The following AEBP2 variants were observed in gnomAD, a reference collection of about 807,000 sequenced individuals.
AEBP2 encodes zinc finger protein AEBP2.
In AEBP2, 10 loss-of-function variants were observed where a neutral mutation model predicts 50.8. That is an observed-to-expected ratio of 0.20 (90% CI 0.12 to 0.33). The LOEUF (loss-of-function observed/expected upper bound fraction) is 0.33. AEBP2 is among the 10% of genes least tolerant of loss of function. The pLI, the probability that AEBP2 is intolerant of heterozygous loss-of-function variation, is 1.00. For synonymous variants in AEBP2, 296 were observed against 261.3 expected, an observed-to-expected ratio of 1.13 and a Z score of -1.28; for missense variants, 570 against 688.0, an observed-to-expected ratio of 0.83 and a Z score of 1.92.
Position 19,520,598 on chromosome 12 carries a change from A to G in AEBP2, c.*2481A>G, listed in dbSNP as rs559603653. 1.3e-5 allele frequency: 2 copies of G among 152,296 alleles called. No individual in the cohort carries two copies. Among genetic ancestry groups the G allele is most frequent in the African/African-American group, 4.8e-5 (2 of 41,570 alleles). 9.4% of individuals were successfully genotyped at this position (152,296 alleles called of 1,614,324 possible). On this transcript the variant is annotated 3_prime_UTR_variant, in exon 8 of 8. Transcript: ENST00000266508. ...TCTGCCCATCTGTATTGTTGCTCCT[A>G]CCTTCAAATATGACACCTGAAATAA...
At chr12:19,478,003 T>G (rs925937193) in intron 3 of AEBP2, among the ~76,000 whole-genome samples, 2 of 152,236 alleles carry the variant, frequency 1.3e-5, no homozygotes, top group African/African-American at 4.8e-5. Flanking sequence ...TGAATGATCT[T>G]TTGTATTTCT....
intron 3 of AEBP2, among the ~76,000 whole-genome samples, chr12:19,474,993 A>G (rs1185308393): frequency 1.3e-5 from 2 of 152,132 alleles, no homozygotes; most frequent in African/African-American, 2.4e-5. Context: ...GGGTTTCACC[A>G]TGTTGGCCAG....
intron 2 of AEBP2, among the ~76,000 whole-genome samples, chr12:19,467,144 G>A (rs550991245): frequency 2.0e-5 from 3 of 152,194 alleles, no homozygotes; most frequent in Admixed American, 6.5e-5. Context: ...TGTTGCCCAT[G>A]CTGGTCTTGC....
intron 1 of AEBP2, among the ~76,000 whole-genome samples, chr12:19,430,389 T>C (rs1309704703): frequency 1.3e-5 from 2 of 152,318 alleles, no homozygotes; most frequent in East Asian, 3.9e-4. Context: ...TCTTGTAGTA[T>C]AGTTTGAAGT....
rs1565720270 is a variant in AEBP2, at chr12:19,473,375, A to AT, written c.987+20_987+21insT. On this transcript the variant is annotated intron_variant, in intron 3 of 7. Coordinates refer to ENST00000266508, the MANE Select transcript of AEBP2 (RefSeq NM_153207.5). Reference sequence around the variant, plus strand: ...TTCAAGGTAAGGATGCATGTATATAAAATTTATTTATTTATTTATTTATTT... The same window carrying AT: ...TTCAAGGTAAGGATGCATGTATATAATAATTTATTTATTTATTTATTTATTT... The AT allele has an allele frequency of 3.8e-6, 1 of 260,676 alleles. No homozygotes were observed. Among genetic ancestry groups the AT allele is most frequent in the African/African-American group, 5.6e-5 (1 of 18,006 alleles). The allele number at this position is 260,676 out of a possible 1,614,324, so 16.1% of individuals were successfully genotyped here. A position where few individuals can be genotyped will look rare whatever the true frequency, so the allele number is the denominator to read the frequency against.
intron 1 of AEBP2, among the ~76,000 whole-genome samples, chr12:19,430,749 G>A (rs909622786): frequency 6.6e-6 from 1 of 152,102 alleles, no homozygotes; most frequent in African/African-American, 2.4e-5. Context: ...ATTGTGAATG[G>A]GAGTTCACTC....
rs182400513 is a variant in AEBP2, at chr12:19,491,039, A to C, written c.988-2761A>C. Among the ~76,000 whole-genome samples the C allele has an allele frequency of 8.9e-4, 136 of 152,328 alleles. 1 individual carries two copies. The highest frequency in any genetic ancestry group is 3.0e-3 in the African/African-American group (126 of 41,574). ...GTTAAAAATTCATTTACTCAGTTAC[A>C]ATAACCATATTTAAAGTGTTGAGTA... On this transcript the variant is annotated intron_variant, in intron 3 of 7. Transcript: ENST00000266508.
intron 4 of AEBP2, among the ~76,000 whole-genome samples, chr12:19,497,221 T>A (rs1212083376): frequency 6.6e-6 from 1 of 151,428 alleles, no homozygotes. Context: ...GATATTTTTC[T>A]GCATAACCAC....
At chr12:19,458,282 G>A (rs1268984080) in intron 1 of AEBP2, among the ~76,000 whole-genome samples, 1 of 152,198 alleles carries the variant, frequency 6.6e-6, no homozygotes, top group Non-Finnish European at 1.5e-5. Flanking sequence ...TGGGTCTGGG[G>A]CCAAAAGGGA....
Position 19,507,151 on chromosome 12 carries a change from A to C in AEBP2, c.1300-5247A>C, listed in dbSNP as rs565372316. On this transcript the variant is annotated intron_variant, in intron 5 of 7. Transcript: ENST00000266508. ...ACTGGATGAGATTACCTAGGAAATA[A>C]GTGTAAATAAAGAGAAAGTTAGCAT... 1.7e-3 allele frequency among the ~76,000 whole-genome samples: 263 copies of C among 152,334 alleles called. 1 individual carries two copies. The highest frequency in any genetic ancestry group is 3.2e-3 in the Non-Finnish European group (215 of 68,030).
intron 6 of AEBP2, among the ~76,000 whole-genome samples, chr12:19,513,177 CTTTTA>C (rs1253333988): frequency 3.3e-5 from 5 of 152,088 alleles, no homozygotes; most frequent in African/African-American, 4.8e-5. Flanking sequence ...TTGTTTGAAT[CTTTTA>C]TTTAAAAAAT....
intron 1 of AEBP2, among the ~76,000 whole-genome samples, chr12:19,427,341 C>G (rs907685767): frequency 7.2e-6 from 1 of 139,508 alleles, no homozygotes; most frequent in Non-Finnish European, 1.5e-5. Context: ...GAATGTGCCA[C>G]TGCTTTCCAG....
At chr12:19,508,349 C>T (rs537181268) in intron 5 of AEBP2, among the ~76,000 whole-genome samples, 15 of 152,288 alleles carry the variant, frequency 9.8e-5, no homozygotes, top group South Asian at 8.3e-4. Flanking sequence ...GTGTGAGCCA[C>T]TGCGTCTGGC....
rs1371564257 is a variant in AEBP2 at position 19,485,732 on chromosome 12, A to G, written c.988-8068A>G. On this transcript the variant is annotated intron_variant, in intron 3 of 7. Transcript: ENST00000266508. ...TCAAAAAAAAAAAAAAAAGAAAAGCAGGCCTCTATACTCAGGGAACTTGTA... is the reference window on the plus strand; with the variant it reads ...TCAAAAAAAAAAAAAAAAGAAAAGCGGGCCTCTATACTCAGGGAACTTGTA... Among the ~76,000 whole-genome samples, 10 of 148,912 alleles carry G rather than the reference A, an allele frequency of 6.7e-5. No homozygotes were observed. The East Asian group carries it at 9.8e-4, about 15-fold the overall frequency.
chr12:19,415,627 C>T (rs2095742098), intron 1 of AEBP2, among the ~76,000 whole-genome samples: 1 of 149,284 alleles, frequency 6.7e-6, no homozygotes, highest in Non-Finnish European at 1.5e-5. Flanking sequence ...TTTCCAGATC[C>T]AGAGGTTTAC....
intron 3 of AEBP2, among the ~76,000 whole-genome samples, chr12:19,481,411 GTTTTCTGTTTCTCTTAAGTGTGCCTT>G (rs1948727914): frequency 6.7e-6 from 1 of 148,904 alleles, no homozygotes; most frequent in Admixed American, 6.7e-5. Context: ...CCTTCAGTGC[GTTTTCTGTTTCTCTTAAGTGTGCCTT>G]TTATTTCTAG....
intron 1 of AEBP2, among the ~76,000 whole-genome samples, chr12:19,447,186 A>G (rs974976827): frequency 5.3e-5 from 8 of 152,330 alleles, no homozygotes; most frequent in Admixed American, 1.3e-4. Context: ...TGCCAACACA[A>G]GTGTGTACGT....
At chr12:19,513,288 T>A (rs1949263772) in intron 6 of AEBP2, among the ~76,000 whole-genome samples, 1 of 151,854 alleles carries the variant, frequency 6.6e-6, no homozygotes, top group Non-Finnish European at 1.5e-5. Flanking sequence ...TAAGTTTTAG[T>A]GCCCATTTAG....
chr12:19,485,814 A>G (rs757569421), intron 3 of AEBP2, among the ~76,000 whole-genome samples: 2 of 152,020 alleles, frequency 1.3e-5, no homozygotes, highest in East Asian at 1.9e-4. Flanking sequence ...AAGTTCTTCA[A>G]TAGTGACCTA....
Sources: allele counts gnomAD v4.1 joint callset (sites outside exome capture counted in the v4.1 genomes callset), GRCh38; gene constraint gnomAD v4.1.1; transcripts MANE v1.5; gene names NCBI Gene and HGNC (gene_info 2026-07-23, HGNC 2026-07-21).